Variants in LINGO2 observed in about 807,000 individuals in gnomAD.
LINGO2 encodes the protein leucine-rich repeat and immunoglobulin-like domain-containing nogo receptor-interacting protein 2.
LINGO2 carries 14 observed loss-of-function variants against 30.6 expected under a neutral mutation model. That is an observed-to-expected ratio of 0.46 (90% CI 0.30 to 0.72). The LOEUF is 0.72. Among genes scored for constraint, LINGO2 ranks in the 30% least tolerant of loss-of-function variants. LINGO2 has a pLI of 0.07. For synonymous variants in LINGO2, 317 were observed against 288.5 expected (o/e 1.10, Z -1.00); for missense variants, 729 against 751.7 (o/e 0.97, Z 0.35).
chr9:28,651,040 A>T lies in LINGO2; in HGVS notation c.-365+19160T>A, dbSNP rs141739241. Reference sequence around the variant, plus strand: ...CCTGTCTCCATTAAAAATACAAAAAAATTAGCCGGGCATGGTGGTGGGCAC... The same window carrying T: ...CCTGTCTCCATTAAAAATACAAAAATATTAGCCGGGCATGGTGGTGGGCAC... On this transcript the variant is annotated intron_variant, in intron 1 of 5. Transcript: ENST00000379992. Among the ~76,000 whole-genome samples the T allele has an allele frequency of 8.0e-3, 1,220 of 151,594 alleles. 11 individuals carry two copies. The highest frequency in any genetic ancestry group is 0.028 in the African/African-American group (1,145 of 41,310).
intron 4 of LINGO2, among the ~76,000 whole-genome samples, chr9:28,175,867 C>T (rs545023223): frequency 6.6e-6 from 1 of 152,286 alleles, no homozygotes; most frequent in East Asian, 1.9e-4. Context: ...CTCAAGACAA[C>T]TCTGGATGAA....
intron 1 of LINGO2, among the ~76,000 whole-genome samples, chr9:28,663,102 C>A (rs747820031): frequency 1.1e-4 from 16 of 151,944 alleles, no homozygotes; most frequent in Non-Finnish European, 1.9e-4. Context: ...CATCTAAATT[C>A]ATTTCAAGCT....
chr9:29,120,701 C>T, the LINGO2 span, among the ~76,000 whole-genome samples: 1 of 152,152 alleles, frequency 6.6e-6, no homozygotes, highest in East Asian at 1.9e-4. Context: ...ATCTGCACTT[C>T]TAAGAATAAA....
At chr9:28,465,871 G>A (rs543169221) in intron 2 of LINGO2, among the ~76,000 whole-genome samples, 4 of 152,150 alleles carry the variant, frequency 2.6e-5, no homozygotes, top group South Asian at 2.1e-4. Context: ...ACTCAACATC[G>A]CTGATCATCA....
At chr9:28,196,161 A>G (rs1820001913) in intron 4 of LINGO2, among the ~76,000 whole-genome samples, 1 of 151,720 alleles carries the variant, frequency 6.6e-6, no homozygotes, top group African/African-American at 2.4e-5. Flanking sequence ...ACTGAAATAT[A>G]CACATACATG....
intron 1 of LINGO2, among the ~76,000 whole-genome samples, chr9:28,626,986 G>C (rs931993373): frequency 6.6e-6 from 1 of 151,204 alleles, no homozygotes; most frequent in African/African-American, 2.4e-5. Flanking sequence ...CATTTCTCCT[G>C]GGCTACATCA....
At chr9:28,144,393 T>TA in intron 4 of LINGO2, among the ~76,000 whole-genome samples, 1 of 152,280 alleles carries the variant, frequency 6.6e-6, no homozygotes, top group Admixed American at 6.5e-5. Context: ...ACCCATTGAA[T>TA]AAAAATCTTT....
At chr9:27,980,385 C>A (rs952728115) in intron 5 of LINGO2, among the ~76,000 whole-genome samples, 2 of 151,862 alleles carry the variant, frequency 1.3e-5, no homozygotes, top group Non-Finnish European at 2.9e-5. Context: ...TCCAGAAAAA[C>A]ATGGTAAGGC....
intron 2 of LINGO2, among the ~76,000 whole-genome samples, chr9:28,383,302 G>C (rs1017332028): frequency 6.7e-6 from 1 of 148,462 alleles, no homozygotes; most frequent in Non-Finnish European, 1.5e-5. Context: ...AAGATTCTAC[G>C]TTTCTGCTCT....
the LINGO2 span, among the ~76,000 whole-genome samples, chr9:28,681,444 C>G: frequency 2.0e-5 from 3 of 152,042 alleles, no homozygotes; most frequent in African/African-American, 7.2e-5. Context: ...TGCAAAGTTT[C>G]TTATCAAGCT....
intron 4 of LINGO2, among the ~76,000 whole-genome samples, chr9:28,171,507 G>C (rs913973435): frequency 6.6e-6 from 1 of 152,080 alleles, no homozygotes; most frequent in Non-Finnish European, 1.5e-5. Context: ...CAGAGGGCTT[G>C]GGAAGCTCTC....
At chr9:29,023,734 A>G in the LINGO2 span, among the ~76,000 whole-genome samples, 44 of 152,286 alleles carry the variant, frequency 2.9e-4, no homozygotes, top group African/African-American at 1.1e-3. Context: ...ACCAGCACAC[A>G]TAAGATTAAC....
At chr9:28,195,643 A>G (rs1819985657) in intron 4 of LINGO2, among the ~76,000 whole-genome samples, 1 of 151,604 alleles carries the variant, frequency 6.6e-6, no homozygotes, top group Non-Finnish European at 1.5e-5. Context: ...TAATATTACC[A>G]GAACAGATAA....
intron 4 of LINGO2, among the ~76,000 whole-genome samples, chr9:28,266,877 A>T (rs1452292427): frequency 6.6e-6 from 1 of 152,010 alleles, no homozygotes; most frequent in Admixed American, 6.6e-5. Flanking sequence ...CATGTACATC[A>T]TTATTCCACA....
chr9:28,077,789 AAGAGAAGAAAG>A (rs1359578334), intron 4 of LINGO2, among the ~76,000 whole-genome samples: 1 of 148,674 alleles, frequency 6.7e-6, no homozygotes, highest in Admixed American at 6.6e-5. Flanking sequence ...TAAAAAAAGA[AAGAGAAGAAAG>A]AAGAAAGAAG....
At chr9:27,950,686 G>C in exon 6 of LINGO2, 1 of 1,491,812 alleles carries the variant, frequency 6.7e-7, no homozygotes, top group Non-Finnish European at 8.9e-7. Flanking sequence ...CCACTTCTTA[G>C]TCTACACCTT....
At position 28,515,140 on chromosome 9, in the gene LINGO2, C is replaced by T. The variant is rs115678333; in HGVS notation, c.-364-39115G>A. Among the ~76,000 whole-genome samples the T allele has an allele frequency of 1.6e-3, 244 of 152,190 alleles. 1 individual carries two copies. The highest frequency in any genetic ancestry group is 5.4e-3 in the African/African-American group (225 of 41,522). On this transcript the variant is annotated intron_variant, in intron 1 of 5. Transcript: ENST00000379992. ...GTTCTCTTGCCTGCAGACACAACAT[C>T]CATTCTGCAGTCCACGGATCAAGGA...
intron 2 of LINGO2, among the ~76,000 whole-genome samples, chr9:28,438,179 T>C (rs1311007470): frequency 1.3e-5 from 2 of 152,084 alleles, no homozygotes; most frequent in African/African-American, 4.8e-5. Flanking sequence ...CCAAACCAGG[T>C]GGGATGGTGA....
chr9:28,573,869 AAAC>A (rs1250505558), intron 1 of LINGO2, among the ~76,000 whole-genome samples: 4 of 152,302 alleles, frequency 2.6e-5, no homozygotes, highest in South Asian at 4.1e-4. Context: ...AATATTGCAT[AAAC>A]AACAACTTTT....
Sources: allele counts gnomAD v4.1 joint callset (sites outside exome capture counted in the v4.1 genomes callset), GRCh38; gene constraint gnomAD v4.1.1; transcripts MANE v1.5; gene names NCBI Gene and HGNC (gene_info 2026-07-23, HGNC 2026-07-21).